MRPL47: variants seen among roughly 807,000 people sequenced by gnomAD.
MRPL47 encodes mitochondrial ribosomal protein L47.
A neutral mutation model predicts 34.0 loss-of-function variants in MRPL47; 31 were observed. The observed-to-expected ratio is 0.91, with a 90% CI of 0.68 to 1.23. The LOEUF is 1.23. Ranked by LOEUF, MRPL47 falls within the 50% of genes most tolerant of loss-of-function variation. The pLI is 0.00. For synonymous variants in MRPL47, 106 were observed against 101.6 expected (o/e 1.04, Z -0.26); for missense variants, 328 against 285.8 (o/e 1.15, Z -1.07).
At chr3:179,589,146 T>TAATC in intron 6 of MRPL47, 151 bp from the exon 7 acceptor site, 1 of 730,864 alleles carries the variant, frequency 1.4e-6, no homozygotes, top group Non-Finnish European at 2.1e-6. Flanking sequence ...ACTTGAATAG[T>TAATC]AATCACTGTA....
At chr3:179,589,070 A>G in intron 6 of MRPL47, 75 bp from the exon 7 acceptor site, 1 of 1,412,296 alleles carries the variant, frequency 7.1e-7, no homozygotes, top group South Asian at 1.3e-5. Flanking sequence ...AAATATGCAT[A>G]AATCAATTAC....
In MRPL47 at chr3:179,588,996, C is replaced by A; in HGVS notation, c.630-1G>T. The A allele has an allele frequency of 1.3e-6, 2 of 1,596,442 alleles. No individual in the cohort carries two copies. The highest frequency in any genetic ancestry group is 2.3e-5 in the South Asian group (2 of 87,954). On this transcript the variant is annotated splice_acceptor_variant, in intron 6 of 6. Coordinates refer to ENST00000476781, the MANE Select transcript of MRPL47 (RefSeq NM_020409.3). LOFTEE classifies it high-confidence loss of function. ...GCGGGCTCGTTTCTCACGTTCCAGTCTAGAATAAAAAAAGCGTAACAGCAA... is the reference window on the plus strand; with the variant it reads ...GCGGGCTCGTTTCTCACGTTCCAGTATAGAATAAAAAAAGCGTAACAGCAA...
chr3:179,592,442 C>A (rs1267271577), intron 6 of MRPL47, among the ~76,000 whole-genome samples: 1 of 152,170 alleles, frequency 6.6e-6, no homozygotes, highest in African/African-American at 2.4e-5. Context: ...GATCCACCCA[C>A]CTCGGCCTCC....
intron 4 of MRPL47, among the ~76,000 whole-genome samples, chr3:179,597,715 G>A (rs960863939): frequency 2.6e-5 from 4 of 152,182 alleles, no homozygotes; most frequent in African/African-American, 9.6e-5. Flanking sequence ...GGCTGAGGCA[G>A]GAGAATCGTT....
chr3:179,603,969 A>G (rs1718992907), intron 1 of MRPL47, among the ~76,000 whole-genome samples: 1 of 144,478 alleles, frequency 6.9e-6, no homozygotes. Flanking sequence ...CAAAATGTCA[A>G]CAACATTAAG....
chr3:179,593,677 C>T (rs1420969958), intron 5 of MRPL47, 88 bp downstream of exon 5: 1 of 1,296,338 alleles, frequency 7.7e-7, no homozygotes, highest in African/African-American at 1.5e-5. Context: ...TCATATGGTA[C>T]AAATTTTTTT....
chr3:179,602,174 GTC>G (rs1306054870), intron 2 of MRPL47, among the ~76,000 whole-genome samples: 2 of 152,060 alleles, frequency 1.3e-5, no homozygotes, highest in Non-Finnish European at 2.9e-5. Flanking sequence ...GCGAAATCCT[GTC>G]TCTACTTAAA....
Position 179,588,615 on chromosome 3 carries a change from C to T in MRPL47, c.*257G>A. 1 of 287,224 alleles carries T rather than the reference C, an allele frequency of 3.5e-6. No homozygotes were observed. Among genetic ancestry groups the T allele is most frequent in the Non-Finnish European group, 6.5e-6 (1 of 152,748 alleles). 17.8% of individuals were successfully genotyped at this position (287,224 alleles called of 1,614,324 possible). A position where few individuals can be genotyped will look rare whatever the true frequency, so the allele number is the denominator to read the frequency against. ...CCATCACCTTCACACTCTAAGGTAG[C>T]AGGTGACATTTAAAGCCTGCTTAAA... On this transcript the variant is annotated 3_prime_UTR_variant, in exon 7 of 7. Transcript: ENST00000476781.
chr3:179,590,621 T>G (rs960425624), intron 6 of MRPL47, among the ~76,000 whole-genome samples: 1 of 151,456 alleles, frequency 6.6e-6, no homozygotes, highest in South Asian at 2.1e-4. Flanking sequence ...GCAGGAATAC[T>G]GGGAGGAAAA....
intron 4 of MRPL47, among the ~76,000 whole-genome samples, chr3:179,596,196 G>A (rs1422678922): frequency 6.6e-6 from 1 of 152,150 alleles, no homozygotes; most frequent in Non-Finnish European, 1.5e-5. Context: ...TATTCTCTAA[G>A]TAAAATTTGT....
chr3:179,598,429 CAA>C (rs1553779599), intron 4 of MRPL47, among the ~76,000 whole-genome samples: 1 of 118,828 alleles, frequency 8.4e-6, no homozygotes, highest in African/African-American at 3.1e-5. Context: ...CACACACAAA[CAA>C]AAAAAAAAAA....
chr3:179,604,458 C>G, intron 1 of MRPL47, 69 bp downstream of exon 1: 3 of 1,450,452 alleles, frequency 2.1e-6, no homozygotes, highest in Non-Finnish European at 2.9e-6. Context: ...CTCGGCATCT[C>G]GGCATCTCGG....
intron 3 of MRPL47, among the ~76,000 whole-genome samples, chr3:179,600,052 C>T (rs74325157): frequency 0.037 from 5,621 of 150,772 alleles, 233 homozygotes; most frequent in East Asian, 0.12. Flanking sequence ...GAATGGAAGG[C>T]GGAGGTTGCA....
At position 179,601,791 on chromosome 3, in the gene MRPL47, C is replaced by T. The variant is rs1194751826; in HGVS notation, c.245-1G>A. 1.3e-6 allele frequency: 2 copies of T among 1,599,896 alleles called. No individual in the cohort carries two copies. The highest frequency in any genetic ancestry group is 3.4e-5 in the Admixed American group (2 of 57,986). On this transcript the variant is annotated splice_acceptor_variant, in intron 2 of 6. Coordinates refer to ENST00000476781, the MANE Select transcript of MRPL47 (RefSeq NM_020409.3). LOFTEE classifies it high-confidence loss of function. The stretch of plus-strand genomic sequence containing the variant: ...AGTTGCTGACAGGTCCATGCTGCTC[C>T]TATTAAAATAATACATAACATGAAA...
chr3:179,598,203 A>G (rs986964160), intron 4 of MRPL47, among the ~76,000 whole-genome samples: 6 of 152,148 alleles, frequency 3.9e-5, no homozygotes, highest in Non-Finnish European at 8.8e-5. Flanking sequence ...CATGGCCAAC[A>G]TGGTGAAACC....
In MRPL47 at chr3:179,592,720, C is replaced by G; in HGVS notation, c.553G>C (p.Val185Leu). 1 of 1,613,530 alleles carries G rather than the reference C, an allele frequency of 6.2e-7. No individual in the cohort carries two copies. The highest frequency in any genetic ancestry group is 2.2e-5 in the East Asian group (1 of 44,846). ...RIIWHKFKQW[V>L]IPWHLNKRYN... ...CTTTTATTTAGGTGCCAAGGTATAA[C>G]CCACTGCTTGAACTTGTGCCTGCCA... Residue 185 changes from valine (V) to leucine (L), a missense_variant, in exon 6 of 7, where the codon GTT becomes CTT. By Grantham distance (32) the Val-to-Leu change is conservative. Transcript: ENST00000476781.
At position 179,592,691 on chromosome 3, in the gene MRPL47, G is replaced by C; in HGVS notation, c.582C>G (p.Tyr194Ter). The change falls in exon 6 of 7, where the codon TAC (tyrosine) becomes TAG (stop). Residue 194 changes from tyrosine to a stop codon, truncating the protein, a stop_gained. Transcript: ENST00000476781. LOFTEE classifies it high-confidence loss of function. ...GCAAGGCAAAGAATCGTTTCCTATT[G>C]TATCTTTTATTTAGGTGCCAAGGTA... ...WVIPWHLNKR[Y>*]NRKRFFALPY... 3.1e-6 allele frequency: 5 copies of C among 1,613,882 alleles called. No homozygotes were observed. Among genetic ancestry groups the C allele is most frequent in the Non-Finnish European group, 4.2e-6 (5 of 1,179,866 alleles).
chr3:179,600,952 T>C (rs1162738442), intron 3 of MRPL47, among the ~76,000 whole-genome samples: 5 of 152,174 alleles, frequency 3.3e-5, no homozygotes, highest in Non-Finnish European at 7.4e-5. Flanking sequence ...ATATAGTACA[T>C]TAAAAATGCA....
chr3:179,592,403 C>A (rs1350820088), intron 6 of MRPL47, among the ~76,000 whole-genome samples: 1 of 151,450 alleles, frequency 6.6e-6, no homozygotes, highest in East Asian at 2.0e-4. Flanking sequence ...ACCATGTTAG[C>A]CGGGATGGTC....
Sources: allele counts gnomAD v4.1 joint callset (sites outside exome capture counted in the v4.1 genomes callset), GRCh38; gene constraint gnomAD v4.1.1; transcripts MANE v1.5; gene names NCBI Gene and HGNC (gene_info 2026-07-23, HGNC 2026-07-21).